Variants in KIF26B observed in about 807,000 individuals in gnomAD.
KIF26B encodes the protein kinesin-like protein KIF26B.
Under a neutral mutation model 151.2 loss-of-function variants are expected in KIF26B, and 63 were observed. The ratio of observed to expected loss-of-function variants is 0.42; its 90% CI spans 0.34 to 0.51. The LOEUF (loss-of-function observed/expected upper bound fraction) is 0.51, where lower values mean the gene tolerates loss of function less well. Ranked by LOEUF, KIF26B falls within the 20% of genes least tolerant of loss-of-function variation. The pLI, the probability that KIF26B is intolerant of heterozygous loss-of-function variation, is 0.07. For synonymous variants in KIF26B, 1,357 were observed against 1,262.1 expected (o/e 1.08, Z -1.59); for missense variants, 2,813 against 2,913.6 (o/e 0.97, Z 0.79).
intron 4 of KIF26B, among the ~76,000 whole-genome samples, chr1:245,430,984 A>T (rs1047026590): frequency 3.9e-5 from 6 of 152,200 alleles, no homozygotes; most frequent in African/African-American, 1.4e-4. Context: ...CACCTAAAAG[A>T]ACACTCAAGA....
intron 2 of KIF26B, among the ~76,000 whole-genome samples, chr1:245,201,484 T>C (rs1034153420): frequency 3.3e-5 from 5 of 152,242 alleles, no homozygotes; most frequent in African/African-American, 1.2e-4. Flanking sequence ...CCATGGTTTT[T>C]TCTGTGACCA....
At chr1:245,359,114 G>A (rs1459788014) in intron 2 of KIF26B, among the ~76,000 whole-genome samples, 2 of 151,940 alleles carry the variant, frequency 1.3e-5, no homozygotes, top group African/African-American at 4.8e-5. Flanking sequence ...CGCCTCCTGT[G>A]TTCCAGTGAT....
chr1:245,540,191 C>T lies in KIF26B; in HGVS notation c.1167-576C>T, dbSNP rs1661581181. ...CTACGTAAGCAGCCCATAGCCTCAG[C>T]GCCCTGCACCCTGGTTGGAGTTCAC... is the stretch of plus-strand genomic sequence containing the variant. On this transcript the variant is annotated intron_variant, in intron 4 of 14. Coordinates refer to ENST00000407071, the MANE Select transcript of KIF26B (RefSeq NM_018012.4). The surrounding 1 kb of genome is among the most constrained non-coding windows in gnomAD (Gnocchi z 4.6). Among the ~76,000 whole-genome samples, 1 of 152,252 alleles carries T rather than the reference C, an allele frequency of 6.6e-6. No individual in the cohort carries two copies. The highest frequency in any genetic ancestry group is 3.4e-3 in the Middle Eastern group (1 of 294).
At chr1:245,297,406 A>G (rs1671358360) in intron 2 of KIF26B, among the ~76,000 whole-genome samples, 1 of 152,254 alleles carries the variant, frequency 6.6e-6, no homozygotes, top group South Asian at 2.1e-4. Context: ...TGAAATTCAG[A>G]GAGGCCAGGT....
chr1:245,163,344 G>T (rs747492790), intron 2 of KIF26B, among the ~76,000 whole-genome samples: 2 of 152,188 alleles, frequency 1.3e-5, no homozygotes, highest in Non-Finnish European at 2.9e-5. Context: ...GTTTCACCAT[G>T]TTGTCCAGGC....
intron 2 of KIF26B, among the ~76,000 whole-genome samples, chr1:245,157,687 GT>G (rs1485657996): frequency 6.6e-6 from 1 of 152,204 alleles, no homozygotes; most frequent in Non-Finnish European, 1.5e-5. Context: ...AGGAGAATTG[GT>G]TTTATGAATG....
At chr1:245,625,588 G>T (rs768473628) in intron 9 of KIF26B, among the ~76,000 whole-genome samples, 121 of 152,084 alleles carry the variant, frequency 8.0e-4, no homozygotes, top group Non-Finnish European at 1.4e-3. Context: ...GAATTTAGGA[G>T]ATTCATCACC....
chr1:245,290,044 T>G (rs1671230153), intron 2 of KIF26B, among the ~76,000 whole-genome samples: 2 of 152,172 alleles, frequency 1.3e-5, no homozygotes, highest in Admixed American at 6.5e-5. Context: ...TTCATCCACT[T>G]TATTTTAGAA....
chr1:245,464,496 T>C (rs979352410), intron 4 of KIF26B, among the ~76,000 whole-genome samples: 1 of 148,770 alleles, frequency 6.7e-6, no homozygotes, highest in Non-Finnish European at 1.5e-5. Flanking sequence ...CGTGGGTGTG[T>C]GTGGGCGTGT....
In KIF26B at chr1:245,246,829, T is replaced by C. The variant is rs1334568156; in HGVS notation, c.465+90146T>C. Among the ~76,000 whole-genome samples, 4 of 151,618 alleles carry C rather than the reference T, an allele frequency of 2.6e-5. No individual in the cohort carries two copies. The East Asian group carries it at 5.8e-4, about 22-fold the overall frequency. ...GGTTCTTTGGAGACATTATAATATA[T>C]ATAGATGGGCCCTGAAAGGCTTGCT... is the stretch of plus-strand genomic sequence containing the variant. On this transcript the variant is annotated intron_variant, in intron 2 of 14. Transcript: ENST00000407071.
chr1:245,676,060 C>T (rs1445089860), intron 10 of KIF26B: 6 of 152,094 alleles, frequency 3.9e-5, no homozygotes, highest in African/African-American at 7.2e-5. Context: ...TTAGGAAATG[C>T]AATAATCTCC....
At chr1:245,270,660 T>G (rs1670842489) in intron 2 of KIF26B, among the ~76,000 whole-genome samples, 1 of 152,182 alleles carries the variant, frequency 6.6e-6, no homozygotes, top group African/African-American at 2.4e-5. Flanking sequence ...TCCTTGTATA[T>G]TTTAGATATC....
chr1:245,412,604 T>G (rs1017585084), intron 3 of KIF26B, among the ~76,000 whole-genome samples: 11 of 152,174 alleles, frequency 7.2e-5, no homozygotes, highest in African/African-American at 2.2e-4. Context: ...GAAGCAACCT[T>G]AGGAAGAGCC....
At chr1:245,701,761 G>C (rs1196201963) in intron 14 of KIF26B, among the ~76,000 whole-genome samples, 1 of 152,204 alleles carries the variant, frequency 6.6e-6, no homozygotes, top group Non-Finnish European at 1.5e-5. Flanking sequence ...TTCAGAGCTT[G>C]TCTCGTGCCT....
rs952378384 is a variant in KIF26B, at chr1:245,338,815, G to C, written c.466-28019G>C. On this transcript the variant is annotated intron_variant, in intron 2 of 14. Coordinates refer to ENST00000407071, the MANE Select transcript of KIF26B (RefSeq NM_018012.4). ...CATCCCCAAAATAGCTCCTTGAGTA[G>C]AGGTGCATCGATCACCCCCAAAGCT... Among the ~76,000 whole-genome samples the C allele has an allele frequency of 2.5e-4, 38 of 152,118 alleles. 1 individual carries two copies. The highest frequency in any genetic ancestry group is 1.9e-4 in the East Asian group (1 of 5,186).
chr1:245,271,516 C>T (rs1237201737), intron 2 of KIF26B, among the ~76,000 whole-genome samples: 1 of 149,216 alleles, frequency 6.7e-6, no homozygotes, highest in African/African-American at 2.5e-5. Flanking sequence ...TATGTTGAGG[C>T]AATTTCCTTT....
At chr1:245,331,149 A>G (rs1672101378) in intron 2 of KIF26B, among the ~76,000 whole-genome samples, 2 of 152,172 alleles carry the variant, frequency 1.3e-5, no homozygotes, top group Admixed American at 1.3e-4. Context: ...GGGGTGGCAG[A>G]GCAGAGCCTG....
chr1:245,254,337 A>C (rs941543004), intron 2 of KIF26B, among the ~76,000 whole-genome samples: 2 of 152,138 alleles, frequency 1.3e-5, no homozygotes, highest in Non-Finnish European at 2.9e-5. Context: ...CGTACCCAGA[A>C]CTACTCAGGC....
intron 2 of KIF26B, among the ~76,000 whole-genome samples, chr1:245,262,853 C>G (rs1330608489): frequency 6.6e-6 from 1 of 152,236 alleles, no homozygotes; most frequent in Non-Finnish European, 1.5e-5. Flanking sequence ...ACAGAGCAGG[C>G]TGCTCTATTC....
Sources: allele counts gnomAD v4.1 joint callset (sites outside exome capture counted in the v4.1 genomes callset), GRCh38; gene constraint gnomAD v4.1.1; non-coding constraint Gnocchi (gnomAD v3.1); transcripts MANE v1.5; gene names NCBI Gene and HGNC (gene_info 2026-07-23, HGNC 2026-07-21).